EDIL3: variants seen among roughly 807,000 people sequenced by gnomAD.
EDIL3 encodes the protein EGF-like repeat and discoidin I-like domain-containing protein 3.
EDIL3 carries 37 observed loss-of-function variants against 67.4 expected under a neutral mutation model. The ratio of observed to expected loss-of-function variants is 0.55; its 90% CI spans 0.42 to 0.72. The LOEUF is 0.72. EDIL3 is among the 30% of genes least tolerant of loss of function. The pLI is 0.00. For missense variants in EDIL3, 527 were observed against 586.3 expected (o/e 0.90, Z 1.04); for synonymous variants, 195 against 196.3 (o/e 0.99, Z 0.05).
intron 1 of EDIL3, among the ~76,000 whole-genome samples, chr5:84,342,946 A>T (rs1437971722): frequency 3.3e-5 from 5 of 152,062 alleles, no homozygotes; most frequent in Admixed American, 2.6e-4. Flanking sequence ...TGTTTCAGAG[A>T]CTTTCTAACT....
intron 9 of EDIL3, among the ~76,000 whole-genome samples, chr5:84,049,981 T>G (rs1272722442): frequency 6.6e-6 from 1 of 151,814 alleles, no homozygotes; most frequent in Non-Finnish European, 1.5e-5. Flanking sequence ...GGGTGGATCA[T>G]GAGGTCAGGA....
chr5:84,180,036 A>C (rs982466034), intron 4 of EDIL3, among the ~76,000 whole-genome samples: 3 of 151,508 alleles, frequency 2.0e-5, no homozygotes, highest in Non-Finnish European at 4.4e-5. Context: ...ATCATCTCTG[A>C]ACCTAATCAC....
At chr5:84,063,110 A>G (rs1746573752) in intron 8 of EDIL3, among the ~76,000 whole-genome samples, 1 of 152,120 alleles carries the variant, frequency 6.6e-6, no homozygotes, top group Non-Finnish European at 1.5e-5. Context: ...CAAACTTGGG[A>G]GTAAAATATA....
chr5:84,346,590 T>C (rs1747245050), intron 1 of EDIL3, among the ~76,000 whole-genome samples: 1 of 152,204 alleles, frequency 6.6e-6, no homozygotes, highest in Non-Finnish European at 1.5e-5. Flanking sequence ...TTGACTTTCA[T>C]TCCTTTTTTT....
At chr5:84,026,773 C>T (rs928684628) in intron 9 of EDIL3, among the ~76,000 whole-genome samples, 8 of 152,044 alleles carry the variant, frequency 5.3e-5, no homozygotes, top group African/African-American at 1.9e-4. Flanking sequence ...AGTTCTTAAA[C>T]AGAAAAACCA....
intron 4 of EDIL3, among the ~76,000 whole-genome samples, chr5:84,139,265 A>C (rs931587605): frequency 6.7e-6 from 1 of 148,604 alleles, no homozygotes; most frequent in African/African-American, 2.5e-5. Flanking sequence ...TAGACTCCTA[A>C]ATATTTGATA....
At chr5:83,998,041 T>C (rs920424779) in intron 9 of EDIL3, among the ~76,000 whole-genome samples, 7 of 152,056 alleles carry the variant, frequency 4.6e-5, no homozygotes, top group African/African-American at 9.7e-5. Flanking sequence ...CTAAAAAAAC[T>C]TGAAAAGCAG....
intron 9 of EDIL3, among the ~76,000 whole-genome samples, chr5:83,982,904 C>A (rs187669802): frequency 1.1e-3 from 174 of 152,260 alleles, no homozygotes; most frequent in African/African-American, 3.7e-3. Flanking sequence ...TACAAAAGGG[C>A]TCCTGGTAGA....
At chr5:84,217,236 G>C (rs1744244022) in intron 3 of EDIL3, among the ~76,000 whole-genome samples, 1 of 151,692 alleles carries the variant, frequency 6.6e-6, no homozygotes, top group African/African-American at 2.4e-5. Flanking sequence ...AAACCTCTAA[G>C]TCTGCACAGA....
At chr5:84,315,422 G>T (rs1399143082) in intron 1 of EDIL3, among the ~76,000 whole-genome samples, 1 of 152,038 alleles carries the variant, frequency 6.6e-6, no homozygotes, top group Admixed American at 6.5e-5. Flanking sequence ...TAGCACCCAG[G>T]TCTCAGGCTT....
intron 9 of EDIL3, among the ~76,000 whole-genome samples, chr5:83,977,755 C>A (rs1744899941): frequency 6.6e-6 from 1 of 151,774 alleles, no homozygotes; most frequent in Admixed American, 6.6e-5. Flanking sequence ...TTTCAGCCTA[C>A]TTTTTCATAG....
intron 9 of EDIL3, among the ~76,000 whole-genome samples, chr5:84,055,012 G>A (rs993342205): frequency 6.8e-6 from 1 of 146,162 alleles, no homozygotes; most frequent in African/African-American, 2.7e-5. Context: ...TCAATCCTAA[G>A]CCAAAAGAAC....
chr5:84,127,368 T>C (rs1303116208), intron 5 of EDIL3, among the ~76,000 whole-genome samples: 2 of 152,146 alleles, frequency 1.3e-5, no homozygotes, highest in African/African-American at 4.8e-5. Context: ...AAAGAACGTG[T>C]ATTATTGACC....
chr5:84,025,088 C>T (rs1745788180), intron 9 of EDIL3, among the ~76,000 whole-genome samples: 1 of 152,126 alleles, frequency 6.6e-6, no homozygotes, highest in Non-Finnish European at 1.5e-5. Flanking sequence ...TGTCCCCACC[C>T]TTAAATGTAT....
At chr5:83,995,959 T>C (rs1561397379) in intron 9 of EDIL3, among the ~76,000 whole-genome samples, 4 of 152,206 alleles carry the variant, frequency 2.6e-5, no homozygotes, top group Admixed American at 1.3e-4. Context: ...GCATAAAGTA[T>C]AGCCACTATC....
intron 9 of EDIL3, among the ~76,000 whole-genome samples, chr5:84,014,751 T>C (rs186385244): frequency 6.5e-4 from 99 of 152,318 alleles, no homozygotes; most frequent in Non-Finnish European, 1.2e-3. Flanking sequence ...AATACCACTT[T>C]AACAAATAAC....
intron 9 of EDIL3, among the ~76,000 whole-genome samples, chr5:84,025,823 C>T (rs1745800771): frequency 6.6e-6 from 1 of 152,196 alleles, no homozygotes; most frequent in Non-Finnish European, 1.5e-5. Flanking sequence ...TAGGGATACT[C>T]TAAAACCATG....
chr5:83,960,615 G>C (rs2112127005), intron 10 of EDIL3, among the ~76,000 whole-genome samples: 1 of 151,060 alleles, frequency 6.6e-6, no homozygotes, highest in Non-Finnish European at 1.5e-5. Flanking sequence ...TATTTTGCTT[G>C]TGTTTATGGA....
At chr5:84,276,329 T>A (rs1001773194) in intron 1 of EDIL3, among the ~76,000 whole-genome samples, 7 of 152,198 alleles carry the variant, frequency 4.6e-5, no homozygotes, top group Admixed American at 2.0e-4. Context: ...ATGAATTTTT[T>A]AAAATATTTA....
Sources: allele counts gnomAD v4.1 joint callset (sites outside exome capture counted in the v4.1 genomes callset), GRCh38; gene constraint gnomAD v4.1.1; transcripts MANE v1.5; gene names NCBI Gene and HGNC (gene_info 2026-07-23, HGNC 2026-07-21).